Variants in ZNF385D observed in about 807,000 individuals in gnomAD.
ZNF385D encodes the protein zinc finger protein 385D.
A neutral mutation model predicts 35.8 loss-of-function variants in ZNF385D; 15 were observed. That is an observed-to-expected ratio of 0.42 (90% CI 0.28 to 0.64). ZNF385D has a LOEUF of 0.64. Ranked by LOEUF, ZNF385D falls within the 30% of genes least tolerant of loss-of-function variation. The pLI, the probability that ZNF385D is intolerant of heterozygous loss-of-function variation, is 0.23. For synonymous variants in ZNF385D, 212 were observed against 186.8 expected (o/e 1.13, Z -1.10); for missense variants, 474 against 494.6 (o/e 0.96, Z 0.39).
intron 2 of ZNF385D, among the ~76,000 whole-genome samples, chr3:21,636,405 TATATATATA>T (rs1219018032): frequency 0.02 from 910 of 45,440 alleles, 48 homozygotes; most frequent in African/African-American, 0.037. Context: ...TATATATATA[TATATATATA>T]GAGTTTCTTA....
At chr3:21,694,204 C>G (rs1388918016) in intron 1 of ZNF385D, among the ~76,000 whole-genome samples, 1 of 151,454 alleles carries the variant, frequency 6.6e-6, no homozygotes, top group Non-Finnish European at 1.5e-5. Flanking sequence ...CCACCACGCC[C>G]GGCTAATTTT....
At chr3:22,031,309 G>C (rs184775435) in intron 3 of ZNF385D, among the ~76,000 whole-genome samples, 79 of 152,302 alleles carry the variant, frequency 5.2e-4, no homozygotes, top group African/African-American at 1.8e-3. Flanking sequence ...CCCTAGTAGA[G>C]GTTCTTCATG....
chr3:21,874,317 C>A (rs1697850222), intron 3 of ZNF385D, among the ~76,000 whole-genome samples: 1 of 152,000 alleles, frequency 6.6e-6, no homozygotes, highest in Non-Finnish European at 1.5e-5. Context: ...AATGTTTAAT[C>A]AAATCCTTTG....
At chr3:21,858,016 G>T (rs1410555646) in intron 3 of ZNF385D, among the ~76,000 whole-genome samples, 1 of 151,876 alleles carries the variant, frequency 6.6e-6, no homozygotes, top group African/African-American at 2.4e-5. Context: ...ACAAAATTTA[G>T]TTGGTCATGG....
chr3:21,875,019 A>G (rs557373588), intron 3 of ZNF385D, among the ~76,000 whole-genome samples: 1 of 151,874 alleles, frequency 6.6e-6, no homozygotes, highest in East Asian at 1.9e-4. Context: ...TTAAAATGGG[A>G]TTATTTTCTT....
chr3:21,729,474 G>A (rs909256052), intron 1 of ZNF385D, among the ~76,000 whole-genome samples: 1 of 152,078 alleles, frequency 6.6e-6, no homozygotes, highest in Admixed American at 6.5e-5. Context: ...GGAAGGCAGT[G>A]TGACTTAAGG....
intron 2 of ZNF385D, among the ~76,000 whole-genome samples, chr3:21,602,560 C>G (rs1226676399): frequency 1.1e-5 from 1 of 87,194 alleles, no homozygotes; most frequent in Non-Finnish European, 2.2e-5. Context: ...GAGTCTTGCT[C>G]TGTCGCCCAG....
At chr3:22,178,276 T>C (rs573864021) in intron 2 of ZNF385D, among the ~76,000 whole-genome samples, 2 of 152,224 alleles carry the variant, frequency 1.3e-5, no homozygotes, top group Non-Finnish European at 2.9e-5. Context: ...TGATTGCCAT[T>C]CTAACTGGTG....
intron 3 of ZNF385D, among the ~76,000 whole-genome samples, chr3:21,868,761 G>C (rs978693533): frequency 6.6e-6 from 1 of 152,068 alleles, no homozygotes; most frequent in East Asian, 1.9e-4. Context: ...ATCTAAATAA[G>C]TTAGAAGATA....
At chr3:22,020,480 G>A (rs2125454278) in intron 3 of ZNF385D, among the ~76,000 whole-genome samples, 1 of 151,896 alleles carries the variant, frequency 6.6e-6, no homozygotes, top group South Asian at 2.1e-4. Context: ...ACAGCAGTTA[G>A]CATTTTCAAA....
Position 21,476,269 on chromosome 3 carries a change from G to GCCACTCCT in ZNF385D, c.439+34584_439+34591dup, listed in dbSNP as rs1324804070. 2.0e-5 allele frequency among the ~76,000 whole-genome samples: 3 copies of GCCACTCCT among 152,082 alleles called. No homozygotes were observed. In the East Asian group the frequency reaches 5.8e-4, roughly 29 times the overall value. On this transcript the variant is annotated intron_variant, in intron 4 of 7. Transcript: ENST00000281523. ...TTAAGCATTGTCATCATGAGGGAAG[G>GCCACTCCT]CCACTCCTTATTTAATTGTTCATTC...
chr3:21,972,360 G>T (rs1191626113), intron 3 of ZNF385D, among the ~76,000 whole-genome samples: 1 of 151,768 alleles, frequency 6.6e-6, no homozygotes, highest in Non-Finnish European at 1.5e-5. Flanking sequence ...AAATTAAGAA[G>T]AAAATGTAAC....
intron 3 of ZNF385D, among the ~76,000 whole-genome samples, chr3:21,833,408 T>A (rs1282723837): frequency 6.6e-6 from 1 of 152,148 alleles, no homozygotes; most frequent in Non-Finnish European, 1.5e-5. Flanking sequence ...ATCACATGTA[T>A]CTTGTAAGAG....
chr3:21,964,346 A>C (rs1261975776), intron 3 of ZNF385D, among the ~76,000 whole-genome samples: 1 of 141,368 alleles, frequency 7.1e-6, no homozygotes, highest in African/African-American at 2.6e-5. Context: ...AAAATCCCTG[A>C]GCTCTTCCAT....
At chr3:21,630,961 C>G (rs2065264356) in intron 2 of ZNF385D, among the ~76,000 whole-genome samples, 1 of 152,052 alleles carries the variant, frequency 6.6e-6, no homozygotes, top group Non-Finnish European at 1.5e-5. Flanking sequence ...GATAAAAATC[C>G]AAGTCATCTA....
rs59555475 is a variant in ZNF385D at position 22,033,402 on chromosome 3, AAATAATAATAAT to A, written c.325+135403_325+135414del. On this transcript the variant is annotated intron_variant, in intron 3 of 5. Transcript: ENST00000494108. The stretch of plus-strand genomic sequence containing the variant: ...GGGTGACAGAGCAAGGCTGGCTCCA[AAATAATAATAAT>A]AATAATAATAATAATAATAATAATA... Among the ~76,000 whole-genome samples, 1,216 of 139,386 alleles carry A rather than the reference AAATAATAATAAT, an allele frequency of 8.7e-3. 23 individuals carry two copies. The highest frequency in any genetic ancestry group is 0.031 in the African/African-American group (1,145 of 37,098). 91.4% of individuals were successfully genotyped at this position (139,386 alleles called of 152,430 possible). A position where few individuals can be genotyped will look rare whatever the true frequency, so the allele number is the denominator to read the frequency against.
intron 2 of ZNF385D, among the ~76,000 whole-genome samples, chr3:22,169,388 AAGTGGTATAG>A: frequency 6.6e-6 from 1 of 152,340 alleles, no homozygotes; most frequent in South Asian, 2.1e-4. Flanking sequence ...CACAGCTAAC[AAGTGGTATAG>A]CTGTGATAAG....
At chr3:21,970,473 T>A (rs562504944) in intron 3 of ZNF385D, among the ~76,000 whole-genome samples, 16 of 151,642 alleles carry the variant, frequency 1.1e-4, no homozygotes, top group South Asian at 2.1e-4. Context: ...AATAGTGAGC[T>A]TGAATACAGG....
intron 3 of ZNF385D, among the ~76,000 whole-genome samples, chr3:22,016,221 G>T (rs899280032): frequency 2.6e-5 from 4 of 152,050 alleles, no homozygotes; most frequent in African/African-American, 7.2e-5. Flanking sequence ...TGTTTTTGCT[G>T]TCACAGCAAG....
Sources: allele counts gnomAD v4.1 joint callset (sites outside exome capture counted in the v4.1 genomes callset), GRCh38; gene constraint gnomAD v4.1.1; transcripts MANE v1.5; gene names NCBI Gene and HGNC (gene_info 2026-07-23, HGNC 2026-07-21).